SSBP2: variants seen among roughly 807,000 people sequenced by gnomAD.
SSBP2 encodes the protein single stranded DNA binding protein 2.
Under a neutral mutation model 61.8 loss-of-function variants are expected in SSBP2, and 17 were observed. The observed-to-expected ratio is 0.28, with a 90% CI of 0.19 to 0.41. The LOEUF (loss-of-function observed/expected upper bound fraction) is 0.41. Ranked by LOEUF, SSBP2 falls within the 10% of genes least tolerant of loss-of-function variation. The pLI, the probability that SSBP2 is intolerant of heterozygous loss-of-function variation, is 1.00. For synonymous variants in SSBP2, 139 were observed against 141.3 expected, an observed-to-expected ratio of 0.98 and a Z score of 0.12; for missense variants, 310 against 458.7, an observed-to-expected ratio of 0.68 and a Z score of 2.96.
rs560018268 is a variant in SSBP2, at chr5:81,627,312, C to T, written c.197+9245G>A. Reference sequence around the variant, plus strand: ...TGTTTTTTGCCTTCTCTCTTGCTAACACTTTTTCTCCCTTCTCACTCTTAT... The same window carrying T: ...TGTTTTTTGCCTTCTCTCTTGCTAATACTTTTTCTCCCTTCTCACTCTTAT... On this transcript the variant is annotated intron_variant, in intron 3 of 16. Transcript: ENST00000320672. 9.2e-5 allele frequency among the ~76,000 whole-genome samples: 14 copies of T among 152,218 alleles called. No homozygotes were observed. The South Asian group carries it at 2.9e-3, about 32-fold the overall frequency.
chr5:81,499,402 C>A (rs141530345), intron 5 of SSBP2, among the ~76,000 whole-genome samples: 1 of 152,188 alleles, frequency 6.6e-6, no homozygotes, highest in Non-Finnish European at 1.5e-5. Context: ...GACTTTTCCT[C>A]AAGTCTTCAT....
intron 8 of SSBP2, among the ~76,000 whole-genome samples, chr5:81,469,742 C>G (rs990764486): frequency 3.3e-5 from 5 of 151,762 alleles, no homozygotes; most frequent in African/African-American, 1.2e-4. Context: ...GATAGATTTG[C>G]AAAATATTTT....
chr5:81,489,156 G>C, intron 6 of SSBP2, 94 bp downstream of exon 6: 1 of 1,155,732 alleles, frequency 8.7e-7, no homozygotes, highest in East Asian at 2.6e-5. Context: ...GACAGAAAAA[G>C]GAGAATTTCA....
chr5:81,745,012 A>C (rs1425464770), intron 1 of SSBP2, among the ~76,000 whole-genome samples: 1 of 152,134 alleles, frequency 6.6e-6, no homozygotes, highest in Non-Finnish European at 1.5e-5. Context: ...TATAAGAAAA[A>C]CATTAACAGT....
intron 1 of SSBP2, among the ~76,000 whole-genome samples, chr5:81,654,806 A>G (rs758019920): frequency 1.5e-4 from 23 of 152,102 alleles, no homozygotes; most frequent in Non-Finnish European, 2.5e-4. Context: ...GCTTGGTGCC[A>G]TGTCTAGTAA....
intron 4 of SSBP2, among the ~76,000 whole-genome samples, chr5:81,596,599 C>T (rs2153539600): frequency 2.5e-5 from 1 of 40,568 alleles, no homozygotes; most frequent in Middle Eastern, 4.9e-3. Flanking sequence ...TACTACAAGG[C>T]TACAGTCACC....
At chr5:81,532,864 T>A (rs909928548) in intron 4 of SSBP2, among the ~76,000 whole-genome samples, 1 of 151,936 alleles carries the variant, frequency 6.6e-6, no homozygotes, top group Non-Finnish European at 1.5e-5. Context: ...GTTTTATATC[T>A]AACTAATAAG....
chr5:81,623,765 A>C (rs1746867582), intron 3 of SSBP2, among the ~76,000 whole-genome samples: 1 of 152,128 alleles, frequency 6.6e-6, no homozygotes, highest in South Asian at 2.1e-4. Flanking sequence ...ATATATAGTT[A>C]AATTAAATAT....
At chr5:81,427,696 A>G (rs917803396) in intron 16 of SSBP2, among the ~76,000 whole-genome samples, 5 of 152,190 alleles carry the variant, frequency 3.3e-5, no homozygotes, top group African/African-American at 1.2e-4. Context: ...GATGCTATGA[A>G]TCCTGTGAAG....
intron 16 of SSBP2, among the ~76,000 whole-genome samples, chr5:81,421,473 G>T (rs190317406): frequency 3.1e-4 from 47 of 152,276 alleles, no homozygotes; most frequent in African/African-American, 1.1e-3. Context: ...GATTACAGGC[G>T]TGAGACCCTG....
chr5:81,634,824 G>A (rs1012721194), intron 3 of SSBP2, among the ~76,000 whole-genome samples: 1 of 152,096 alleles, frequency 6.6e-6, no homozygotes, highest in Non-Finnish European at 1.5e-5. Flanking sequence ...ATGCTTTTCT[G>A]GCCAACTCTT....
chr5:81,728,785 C>G (rs1485564005), intron 1 of SSBP2, among the ~76,000 whole-genome samples: 1 of 152,164 alleles, frequency 6.6e-6, no homozygotes, highest in Non-Finnish European at 1.5e-5. Flanking sequence ...ATGTCCAAGC[C>G]AATTAACAAA....
intron 16 of SSBP2, among the ~76,000 whole-genome samples, chr5:81,424,249 C>A (rs1761805467): frequency 6.6e-6 from 1 of 151,954 alleles, no homozygotes; most frequent in Admixed American, 6.6e-5. Flanking sequence ...CATGGTGAAA[C>A]CCCGTTTCTA....
At chr5:81,589,794 A>G (rs932447504) in intron 4 of SSBP2, among the ~76,000 whole-genome samples, 9 of 152,122 alleles carry the variant, frequency 5.9e-5, no homozygotes, top group Non-Finnish European at 1.3e-4. Context: ...TTGAGAGGCT[A>G]TATCTGGTGA....
At chr5:81,578,506 C>T (rs1215081331) in intron 4 of SSBP2, among the ~76,000 whole-genome samples, 1 of 150,980 alleles carries the variant, frequency 6.6e-6, no homozygotes, top group Non-Finnish European at 1.5e-5. Flanking sequence ...TTAACAAGAA[C>T]AGGGAAAAGG....
rs139361373 is a variant in SSBP2, at chr5:81,567,862, G to A, written c.282+47611C>T. On this transcript the variant is annotated intron_variant, in intron 4 of 16. Transcript: ENST00000320672. ...CTGCTGAATTTTGGACTTGCATGGA[G>A]CCTGTAGCCCCTTTGTTTTGGCCAA... is the stretch of plus-strand genomic sequence containing the variant. Among the ~76,000 whole-genome samples, 396 of 152,298 alleles carry A rather than the reference G, an allele frequency of 2.6e-3. 1 individual carries two copies. The highest frequency in any genetic ancestry group is 8.5e-3 in the African/African-American group (352 of 41,564).
intron 4 of SSBP2, among the ~76,000 whole-genome samples, chr5:81,557,375 A>AT (rs34615924): frequency 0.012 from 1,781 of 152,128 alleles, 19 homozygotes; most frequent in Non-Finnish European, 0.021. Flanking sequence ...CTCTAAGTTT[A>AT]TAGTTTGCCT....
chr5:81,678,683 A>G (rs182677711), intron 1 of SSBP2, among the ~76,000 whole-genome samples: 239 of 152,252 alleles, frequency 1.6e-3, no homozygotes, highest in Non-Finnish European at 2.7e-3. Context: ...CCAAAGGAAT[A>G]AAACACTTTA....
chr5:81,437,318 C>T, intron 15 of SSBP2, 112 bp downstream of exon 15: 1 of 992,040 alleles, frequency 1.0e-6, no homozygotes, highest in Middle Eastern at 2.6e-4. Context: ...TGGTCTTCTA[C>T]TTTCAAACTC....
Sources: allele counts gnomAD v4.1 joint callset (sites outside exome capture counted in the v4.1 genomes callset), GRCh38; gene constraint gnomAD v4.1.1; transcripts MANE v1.5; gene names NCBI Gene and HGNC (gene_info 2026-07-23, HGNC 2026-07-21).